The following GPHN variants were observed in gnomAD, a reference collection of about 807,000 sequenced individuals.
The protein encoded by GPHN is gephyrin.
GPHN carries 17 observed loss-of-function variants against 95.5 expected under a neutral mutation model. That is an observed-to-expected ratio of 0.18 (90% confidence interval 0.12 to 0.27). The LOEUF (loss-of-function observed/expected upper bound fraction) is 0.27, where lower values mean the gene tolerates loss of function less well. Ranked by LOEUF, GPHN falls within the 10% of genes least tolerant of loss-of-function variation. The pLI, the probability that GPHN is intolerant of heterozygous loss-of-function variation, is 1.00. For synonymous variants in GPHN, 320 were observed against 322.5 expected, an observed-to-expected ratio of 0.99 and a Z score of 0.08; for missense variants, 660 against 978.1, an observed-to-expected ratio of 0.67 and a Z score of 4.34.
At chr14:66,596,104 A>C (rs1376270934) in intron 1 of GPHN, among the ~76,000 whole-genome samples, 2 of 151,988 alleles carry the variant, frequency 1.3e-5, no homozygotes, top group Non-Finnish European at 2.9e-5. Context: ...TCATCTGCTC[A>C]GCTCTCAGCA....
At chr14:67,648,215 C>A in the GPHN span, 2 of 1,599,040 alleles carry the variant, frequency 1.3e-6, no homozygotes, top group African/African-American at 2.7e-5. Flanking sequence ...AGCCTGTTAA[C>A]TACATAGGTA....
chr14:66,627,812 C>T (rs541366558), intron 1 of GPHN, among the ~76,000 whole-genome samples: 2 of 152,120 alleles, frequency 1.3e-5, no homozygotes, highest in South Asian at 4.2e-4. Flanking sequence ...ATTATTTGTT[C>T]TCTCTTTGTC....
intron 2 of GPHN, among the ~76,000 whole-genome samples, chr14:66,776,165 G>C (rs549959178): frequency 8.5e-5 from 13 of 152,128 alleles, no homozygotes; most frequent in Non-Finnish European, 1.5e-4. Flanking sequence ...ATGCATGTTA[G>C]CTGTGACAGA....
At chr14:67,009,933 A>G (rs1025698834) in intron 9 of GPHN, among the ~76,000 whole-genome samples, 5 of 151,420 alleles carry the variant, frequency 3.3e-5, no homozygotes, top group Non-Finnish European at 5.9e-5. Flanking sequence ...TAATTTTTGT[A>G]TTTTTAGTAG....
chr14:67,692,132 T>C, the GPHN span: 2 of 256,352 alleles, frequency 7.8e-6, no homozygotes, highest in Non-Finnish European at 7.5e-6. Flanking sequence ...CCTCATCTCC[T>C]ATCCCTGTGT....
the GPHN span, among the ~76,000 whole-genome samples, chr14:67,330,369 C>T: frequency 5.3e-5 from 8 of 151,542 alleles, no homozygotes; most frequent in South Asian, 1.0e-3. Flanking sequence ...AAATTTCCCT[C>T]GAAACAGTTC....
the GPHN span, among the ~76,000 whole-genome samples, chr14:67,453,234 G>C: frequency 6.6e-6 from 1 of 152,200 alleles, no homozygotes; most frequent in African/African-American, 2.4e-5. Context: ...TGGGCCTAGG[G>C]CTCTGTCAAG....
intron 8 of GPHN, among the ~76,000 whole-genome samples, chr14:66,945,033 T>G (rs13379478): frequency 0.25 from 38,109 of 152,034 alleles, 9,659 homozygotes; most frequent in African/African-American, 0.62. Flanking sequence ...AAAAAAGATT[T>G]TTAGACTTGC....
At chr14:67,577,234 G>A in the GPHN span, 15 of 942,986 alleles carry the variant, frequency 1.6e-5, no homozygotes, top group South Asian at 7.0e-5. Context: ...TAAAGATGGC[G>A]GTGAGTGGGA....
At chr14:67,219,060 G>A in the GPHN span, among the ~76,000 whole-genome samples, 1 of 151,912 alleles carries the variant, frequency 6.6e-6, no homozygotes, top group Non-Finnish European at 1.5e-5. Flanking sequence ...CTCTCCAGAG[G>A]TGGCTCTGGT....
At chr14:66,634,142 T>C (rs1256759891) in intron 1 of GPHN, among the ~76,000 whole-genome samples, 1 of 152,110 alleles carries the variant, frequency 6.6e-6, no homozygotes, top group African/African-American at 2.4e-5. Context: ...TGGAGAATTA[T>C]TGTGTTGTTT....
chr14:66,969,803 G>GA (rs2069620492), intron 9 of GPHN: 1 of 132,122 alleles, frequency 7.6e-6, no homozygotes. Context: ...TCTCTCTCCA[G>GA]GAAAAAAAAA....
chr14:67,157,934 A>G (rs1035172665), intron 18 of GPHN, among the ~76,000 whole-genome samples: 3 of 151,998 alleles, frequency 2.0e-5, no homozygotes, highest in African/African-American at 7.3e-5. Context: ...GGAGAGAAAG[A>G]TTGATAGGAA....
At chr14:67,295,428 T>C in the GPHN span, among the ~76,000 whole-genome samples, 1 of 151,154 alleles carries the variant, frequency 6.6e-6, no homozygotes, top group Non-Finnish European at 1.5e-5. Context: ...AGGCAAAGGT[T>C]GCAGTGAGCT....
At chr14:67,567,220 G>C in the GPHN span, among the ~76,000 whole-genome samples, 1 of 152,104 alleles carries the variant, frequency 6.6e-6, no homozygotes, top group Admixed American at 6.6e-5. Flanking sequence ...AGGACCAATG[G>C]GGCAGTAACC....
chr14:67,428,000 C>A, the GPHN span, among the ~76,000 whole-genome samples: 1 of 151,476 alleles, frequency 6.6e-6, no homozygotes, highest in East Asian at 1.9e-4. Flanking sequence ...TGGCTCACTG[C>A]AACCTCTGCC....
At chr14:67,639,109 A>G in the GPHN span, among the ~76,000 whole-genome samples, 500 of 152,338 alleles carry the variant, frequency 3.3e-3, 2 homozygotes, top group African/African-American at 0.012. Context: ...AAATCCTTCT[A>G]TGAAATTCAG....
the GPHN span, chr14:67,222,030 T>C: frequency 3.9e-6 from 2 of 518,830 alleles, no homozygotes; most frequent in Non-Finnish European, 6.5e-6. Context: ...ATTATGGTAC[T>C]TTACTACTTC....
the GPHN span, among the ~76,000 whole-genome samples, chr14:67,419,713 G>T: frequency 6.6e-6 from 1 of 152,156 alleles, no homozygotes; most frequent in African/African-American, 2.4e-5. Context: ...GCCGGGCGTG[G>T]TGGCGGGCTC....
Sources: allele counts gnomAD v4.1 joint callset (sites outside exome capture counted in the v4.1 genomes callset), GRCh38; gene constraint gnomAD v4.1.1; transcripts MANE v1.5; gene names NCBI Gene and HGNC (gene_info 2026-07-23, HGNC 2026-07-21).